The following AGBL4 variants were observed in gnomAD, a reference collection of about 807,000 sequenced individuals.
AGBL4 encodes the protein AGBL carboxypeptidase 4.
Under a neutral mutation model 66.4 loss-of-function variants are expected in AGBL4, and 58 were observed. That is an observed-to-expected ratio of 0.87 (90% confidence interval 0.71 to 1.09). The LOEUF (loss-of-function observed/expected upper bound fraction) is 1.09. Ranked by LOEUF, AGBL4 falls within the 50% of genes least tolerant of loss-of-function variation. AGBL4 has a pLI of 0.00. For missense variants in AGBL4, 579 were observed against 631.0 expected, an observed-to-expected ratio of 0.92 and a Z score of 0.88; for synonymous variants, 234 against 222.9, an observed-to-expected ratio of 1.05 and a Z score of -0.44.
At chr1:49,678,161 T>C (rs1384299737) in intron 3 of AGBL4, among the ~76,000 whole-genome samples, 2 of 152,184 alleles carry the variant, frequency 1.3e-5, no homozygotes, top group Non-Finnish European at 2.9e-5. Context: ...CTATTCAAAT[T>C]ATATATTTCA....
chr1:49,273,409 A>T (rs1644102424), intron 3 of AGBL4, among the ~76,000 whole-genome samples: 1 of 151,228 alleles, frequency 6.6e-6, no homozygotes, highest in Non-Finnish European at 1.5e-5. Context: ...TTGTTAAAAA[A>T]TAATTTTGTC....
chr1:48,741,775 C>G (rs1273448126), intron 6 of AGBL4, among the ~76,000 whole-genome samples: 1 of 152,136 alleles, frequency 6.6e-6, no homozygotes, highest in Non-Finnish European at 1.5e-5. Context: ...CAACACATGA[C>G]GCGTTAAGGA....
At chr1:49,048,000 G>A (rs145877778) in intron 4 of AGBL4, among the ~76,000 whole-genome samples, 2 of 152,234 alleles carry the variant, frequency 1.3e-5, no homozygotes, top group Admixed American at 6.5e-5. Context: ...TATTGAAGAT[G>A]CAGTTAAGTG....
intron 4 of AGBL4, among the ~76,000 whole-genome samples, chr1:49,079,817 T>C (rs543160407): frequency 2.6e-5 from 4 of 152,316 alleles, no homozygotes; most frequent in South Asian, 4.1e-4. Flanking sequence ...TCAGCATCCT[T>C]GCCAAGTAGC....
intron 5 of AGBL4, among the ~76,000 whole-genome samples, chr1:49,015,400 C>G (rs1571235581): frequency 6.7e-6 from 1 of 150,154 alleles, no homozygotes; most frequent in African/African-American, 2.4e-5. Context: ...AAATATTTAT[C>G]TAGATGATAG....
intron 5 of AGBL4, among the ~76,000 whole-genome samples, chr1:48,956,271 T>C (rs901304399): frequency 6.6e-6 from 1 of 152,248 alleles, no homozygotes; most frequent in Non-Finnish European, 1.5e-5. Flanking sequence ...ACATGCCAAC[T>C]GTTTACTTCA....
chr1:48,879,210 A>G (rs1451489954), intron 5 of AGBL4, among the ~76,000 whole-genome samples: 2 of 151,040 alleles, frequency 1.3e-5, no homozygotes, highest in Non-Finnish European at 3.0e-5. Flanking sequence ...AAAAAAAAAA[A>G]GACAAAAATG....
intron 6 of AGBL4, among the ~76,000 whole-genome samples, chr1:48,740,465 G>GTT (rs1649745951): frequency 2.0e-5 from 3 of 152,302 alleles, no homozygotes; most frequent in African/African-American, 7.2e-5. Flanking sequence ...GATTCAATGA[G>GTT]TTTTTGAAAT....
rs1451582406 is a variant in AGBL4 at position 49,212,982 on chromosome 1, AAC to A, written c.377+32786_377+32787del. 2.0e-5 allele frequency among the ~76,000 whole-genome samples: 3 copies of A among 152,274 alleles called. No homozygotes were observed. The East Asian group carries it at 5.8e-4, about 29-fold the overall frequency. Reference sequence around the variant, plus strand: ...TATTGAATTATTTTATAAAATAAAGAACAGTCTGATTTTTCCACATACTGAAT... The same window carrying A: ...TATTGAATTATTTTATAAAATAAAGAAGTCTGATTTTTCCACATACTGAAT... On this transcript the variant is annotated intron_variant, in intron 4 of 13. Transcript: ENST00000371839.
At chr1:48,586,923 G>A in intron 11 of AGBL4, 81 bp downstream of exon 11, 2 of 1,560,298 alleles carry the variant, frequency 1.3e-6, no homozygotes, top group South Asian at 2.3e-5. Flanking sequence ...CTGAGCTGGG[G>A]GCCTAATTCC....
intron 3 of AGBL4, among the ~76,000 whole-genome samples, chr1:49,534,212 T>C (rs1293271713): frequency 7.2e-6 from 1 of 138,360 alleles, no homozygotes; most frequent in Non-Finnish European, 1.6e-5. Context: ...AAATTACCTA[T>C]GGGCACAGAA....
At chr1:49,416,944 A>T (rs987495786) in intron 3 of AGBL4, among the ~76,000 whole-genome samples, 6 of 152,126 alleles carry the variant, frequency 3.9e-5, no homozygotes, top group Non-Finnish European at 5.9e-5. Context: ...TAATAAAACT[A>T]AAAAGACTAG....
intron 3 of AGBL4, among the ~76,000 whole-genome samples, chr1:49,674,856 A>G (rs1216580977): frequency 1.3e-5 from 2 of 152,164 alleles, no homozygotes; most frequent in East Asian, 3.9e-4. Context: ...AAATCACAAA[A>G]TAGTGCTTGC....
At chr1:48,600,349 C>T (rs1645056403) in intron 9 of AGBL4, among the ~76,000 whole-genome samples, 1 of 152,084 alleles carries the variant, frequency 6.6e-6, no homozygotes, top group Non-Finnish European at 1.5e-5. Flanking sequence ...CAACATAGCC[C>T]TTACTTTATG....
At chr1:49,489,548 A>G (rs867853192) in intron 3 of AGBL4, among the ~76,000 whole-genome samples, 6 of 151,542 alleles carry the variant, frequency 4.0e-5, no homozygotes, top group East Asian at 1.9e-4. Flanking sequence ...ATGTGATCCA[A>G]TTTGTCCATT....
At chr1:49,060,243 T>C (rs1427510343) in intron 4 of AGBL4, among the ~76,000 whole-genome samples, 2 of 152,142 alleles carry the variant, frequency 1.3e-5, no homozygotes, top group African/African-American at 2.4e-5. Flanking sequence ...TAGTGAGTGA[T>C]GGTCTTATAA....
At chr1:49,431,469 G>A (rs977879890) in intron 3 of AGBL4, among the ~76,000 whole-genome samples, 1 of 152,192 alleles carries the variant, frequency 6.6e-6, no homozygotes, top group East Asian at 1.9e-4. Flanking sequence ...GTCTTCAAAT[G>A]TGTCAGTGGA....
chr1:49,536,639 T>C (rs1651608608), intron 3 of AGBL4, among the ~76,000 whole-genome samples: 1 of 152,178 alleles, frequency 6.6e-6, no homozygotes, highest in African/African-American at 2.4e-5. Context: ...CATCATATTA[T>C]GTAACTTCAA....
intron 3 of AGBL4, among the ~76,000 whole-genome samples, chr1:49,644,242 C>T (rs958973682): frequency 1.3e-5 from 2 of 151,496 alleles, no homozygotes; most frequent in Non-Finnish European, 3.0e-5. Flanking sequence ...ATGGAATCAA[C>T]AAAAATGCTC....
Sources: gnomAD v4.1 joint callset for allele counts (sites outside exome capture counted in the v4.1 genomes callset) on GRCh38, gnomAD v4.1.1 for gene constraint, MANE v1.5 for transcripts, NCBI Gene and HGNC (gene_info 2026-07-23, HGNC 2026-07-21) for gene names.